ATE1: variants seen among roughly 807,000 people sequenced by gnomAD.
ATE1 encodes arginyltransferase 1.
In ATE1, 36 loss-of-function variants were observed where a neutral mutation model predicts 70.5. The observed-to-expected ratio is 0.51, with a 90% confidence interval of 0.39 to 0.67. ATE1 has a LOEUF of 0.67. ATE1 is among the 30% of genes least tolerant of loss of function. ATE1 has a pLI of 0.00. For missense variants in ATE1, 593 were observed against 629.5 expected (o/e 0.94, Z 0.62); for synonymous variants, 232 against 219.3 (o/e 1.06, Z -0.51).
At chr10:121,910,853 C>T (rs1328379013) in intron 5 of ATE1, 53 bp downstream of exon 5, 1 of 1,610,564 alleles carries the variant, frequency 6.2e-7, no homozygotes, top group Non-Finnish European at 8.5e-7. Flanking sequence ...TTTAAAATGA[C>T]TCAGCAAAAA....
intron 7 of ATE1, among the ~76,000 whole-genome samples, chr10:121,894,773 C>T (rs1950712759): frequency 3.3e-5 from 5 of 151,982 alleles, no homozygotes; most frequent in Admixed American, 3.3e-4. Flanking sequence ...TGGTGGCGGG[C>T]ACCTGTAGTC....
At chr10:121,893,745 T>C (rs1950663741) in intron 7 of ATE1, among the ~76,000 whole-genome samples, 2 of 152,134 alleles carry the variant, frequency 1.3e-5, no homozygotes, top group South Asian at 2.1e-4. Flanking sequence ...CTTAAAAATA[T>C]ATAGTGAAAA....
At chr10:121,857,123 T>A (rs1211267335) in intron 8 of ATE1, among the ~76,000 whole-genome samples, 1 of 152,240 alleles carries the variant, frequency 6.6e-6, no homozygotes, top group African/African-American at 2.4e-5. Context: ...AAATTTCAAC[T>A]TTTATTTTAG....
chr10:121,913,837 AT>A lies in ATE1; in HGVS notation c.289del (p.Met97CysfsTer2). 6.2e-7 allele frequency: 1 copy of A among 1,612,626 alleles called. No homozygotes were observed. The stretch of plus-strand genomic sequence containing the variant: ...CTCCCCTTTAGCTAGAAATTTCAAC[AT>A]TTTTTTCAAAACCTTCTTGTGAGAT... Reference protein sequence around the residue: ...SKSHKKVLKKMLKFLAKGEVP... With the variant: ...SKSHKKVLKKXLKFLAKGEVP... On this transcript the variant is annotated frameshift_variant, in exon 4 of 12. Transcript: ENST00000224652. LOFTEE classifies it high-confidence loss of function.
At chr10:121,811,494 C>T (rs1232703337) in intron 10 of ATE1, among the ~76,000 whole-genome samples, 1 of 152,138 alleles carries the variant, frequency 6.6e-6, no homozygotes, top group Admixed American at 6.5e-5. Flanking sequence ...TTAATTGTAA[C>T]ACAATATGAA....
upstream of ATE1, chr10:121,928,301 T>G: frequency 6.6e-7 from 1 of 1,505,282 alleles, no homozygotes; most frequent in Non-Finnish European, 8.9e-7. Flanking sequence ...CGAGGGCCTG[T>G]GCGGGGCGCG....
At chr10:121,821,224 G>A (rs995327912) in intron 10 of ATE1, among the ~76,000 whole-genome samples, 2 of 152,182 alleles carry the variant, frequency 1.3e-5, no homozygotes, top group Admixed American at 1.3e-4. Flanking sequence ...GATTCCTGAT[G>A]TGAGCCACCG....
At chr10:121,805,633 T>C (rs1490509106) in intron 10 of ATE1, among the ~76,000 whole-genome samples, 2 of 152,256 alleles carry the variant, frequency 1.3e-5, no homozygotes, top group Non-Finnish European at 2.9e-5. Flanking sequence ...TATAAAGAAA[T>C]GTATTTACAG....
intron 11 of ATE1, among the ~76,000 whole-genome samples, chr10:121,784,762 G>C (rs1590289326): frequency 6.6e-6 from 1 of 152,148 alleles, no homozygotes; most frequent in Admixed American, 6.5e-5. Flanking sequence ...AGGAGGCTGA[G>C]GCAGGAGTAT....
chr10:121,745,037 G>C (rs1287754702), intron 11 of ATE1, among the ~76,000 whole-genome samples: 5 of 152,110 alleles, frequency 3.3e-5, no homozygotes, highest in Admixed American at 3.3e-4. Flanking sequence ...AAGCTAGAAG[G>C]GACCTGGGCA....
intron 5 of ATE1, among the ~76,000 whole-genome samples, chr10:121,909,289 G>A (rs886285871): frequency 7.9e-5 from 12 of 152,230 alleles, no homozygotes; most frequent in Middle Eastern, 3.4e-3. Flanking sequence ...ACTCCTGGCC[G>A]TAAGAGATTT....
chr10:121,883,563 T>A (rs191539227), intron 7 of ATE1, among the ~76,000 whole-genome samples: 209 of 152,250 alleles, frequency 1.4e-3, no homozygotes, highest in African/African-American at 4.9e-3. Flanking sequence ...TAGGAAAATA[T>A]GAGAGCCATT....
At chr10:121,836,106 T>C (rs1948422797) in intron 10 of ATE1, among the ~76,000 whole-genome samples, 1 of 152,178 alleles carries the variant, frequency 6.6e-6, no homozygotes, top group Non-Finnish European at 1.5e-5. Context: ...CTTTTACTGC[T>C]TCTTCTCCTA....
At chr10:121,891,338 T>C (rs182277042) in intron 7 of ATE1, among the ~76,000 whole-genome samples, 20 of 152,256 alleles carry the variant, frequency 1.3e-4, no homozygotes, top group Admixed American at 3.3e-4. Context: ...GTGGCCATGA[T>C]ACCTGAACAT....
At chr10:121,840,782 A>G (rs1948599857) in intron 9 of ATE1, among the ~76,000 whole-genome samples, 2 of 150,528 alleles carry the variant, frequency 1.3e-5, no homozygotes, top group South Asian at 4.1e-4. Context: ...TATAATATGT[A>G]TATTTCCTAT....
intron 7 of ATE1, among the ~76,000 whole-genome samples, chr10:121,885,673 G>A (rs12264952): frequency 0.13 from 20,033 of 151,930 alleles, 1,517 homozygotes; most frequent in East Asian, 0.19. Context: ...CAGGCAGGCA[G>A]GCGGATCACT....
At chr10:121,896,494 T>A (rs997004286) in intron 7 of ATE1, among the ~76,000 whole-genome samples, 2 of 152,100 alleles carry the variant, frequency 1.3e-5, no homozygotes, top group Non-Finnish European at 2.9e-5. Flanking sequence ...AAAATCTGGC[T>A]CCTACCTAAA....
intron 7 of ATE1, among the ~76,000 whole-genome samples, chr10:121,872,660 T>G (rs560297901): frequency 6.6e-6 from 1 of 152,074 alleles, no homozygotes; most frequent in Admixed American, 6.5e-5. Flanking sequence ...TACACTGCAA[T>G]TGAAAGCAGA....
At chr10:121,888,121 G>C (rs775556926) in intron 7 of ATE1, among the ~76,000 whole-genome samples, 1 of 152,176 alleles carries the variant, frequency 6.6e-6, no homozygotes, top group African/African-American at 2.4e-5. Context: ...GAGGCTGGGC[G>C]CAGTGGCTCA....
Sources: allele counts gnomAD v4.1 joint callset (sites outside exome capture counted in the v4.1 genomes callset), GRCh38; gene constraint gnomAD v4.1.1; transcripts MANE v1.5; gene names NCBI Gene and HGNC (gene_info 2026-07-23, HGNC 2026-07-21).